RASGRP3: variants seen among roughly 807,000 people sequenced by gnomAD.
RASGRP3 encodes the protein RAS guanyl releasing protein 3, also known as ras guanyl-releasing protein 3.
RASGRP3 carries 54 observed loss-of-function variants against 82.7 expected under a neutral mutation model. The ratio of observed to expected loss-of-function variants is 0.65; its 90% CI spans 0.52 to 0.82. RASGRP3 has a LOEUF of 0.82. Among genes scored for constraint, RASGRP3 ranks in the 40% least tolerant of loss-of-function variants. The pLI is 0.00. For synonymous variants in RASGRP3, 309 were observed against 300.5 expected (o/e 1.03, Z -0.29); for missense variants, 861 against 828.9 (o/e 1.04, Z -0.48).
In RASGRP3 at chr2:33,466,767, G is replaced by GTATACTATAAACTATATAGTATATAC. The variant is rs1263583050; in HGVS notation, c.-261+18836_-261+18837insTATATAGTATATACTATACTATAAAC. ...GCTATTGCACACTTAACAGACTACA[G>GTATACTATAAACTATATAGTATATAC]TATACTATAAACATAAGTTAAAAAA... On this transcript the variant is annotated intron_variant, in intron 2 of 18. Transcript: ENST00000402538. Among the ~76,000 whole-genome samples the GTATACTATAAACTATATAGTATATAC allele has an allele frequency of 3.9e-5, 6 of 152,066 alleles. No homozygotes were observed. In the South Asian group the frequency reaches 1.2e-3, roughly 32 times the overall value.
chr2:33,466,913 C>T (rs1666728935), intron 2 of RASGRP3, among the ~76,000 whole-genome samples: 1 of 152,112 alleles, frequency 6.6e-6, no homozygotes, highest in Admixed American at 6.6e-5. Context: ...CCTGGGTTTA[C>T]ATCCCTCTTT....
At chr2:33,545,858 G>A (rs2151083146) in intron 13 of RASGRP3, among the ~76,000 whole-genome samples, 1 of 152,254 alleles carries the variant, frequency 6.6e-6, no homozygotes, top group East Asian at 1.9e-4. Context: ...AAGCTGGAGT[G>A]CACTGGCACA....
chr2:33,453,239 A>G (rs553749139), intron 2 of RASGRP3, among the ~76,000 whole-genome samples: 1 of 152,326 alleles, frequency 6.6e-6, no homozygotes, highest in South Asian at 2.1e-4. Flanking sequence ...CCAGCTGAAG[A>G]CGGGCTTAAC....
At chr2:33,513,676 C>T (rs1257760765) in intron 2 of RASGRP3, among the ~76,000 whole-genome samples, 1 of 152,194 alleles carries the variant, frequency 6.6e-6, no homozygotes, top group African/African-American at 2.4e-5. Flanking sequence ...GCATCAAGGA[C>T]CTGCTCTGTA....
chr2:33,560,689 A>C (rs1262632815), intron 17 of RASGRP3, among the ~76,000 whole-genome samples: 1 of 152,248 alleles, frequency 6.6e-6, no homozygotes, highest in Non-Finnish European at 1.5e-5. Context: ...CTGCCCCTGG[A>C]ATGTCAGAAA....
intron 1 of RASGRP3, among the ~76,000 whole-genome samples, chr2:33,502,479 C>A (rs564725747): frequency 6.6e-6 from 1 of 150,820 alleles, no homozygotes; most frequent in East Asian, 1.9e-4. Flanking sequence ...TCTCTTTTAA[C>A]TGTCTCTTTC....
chr2:33,533,296 C>T (rs935556188), intron 10 of RASGRP3: 11 of 152,170 alleles, frequency 7.2e-5, no homozygotes, highest in African/African-American at 2.7e-4. Context: ...AATGATCTTC[C>T]TCTCTCTTTT....
Position 33,463,835 on chromosome 2 carries a change from C to T in RASGRP3, c.-261+15892C>T, listed in dbSNP as rs552876942. On this transcript the variant is annotated intron_variant, in intron 2 of 18. Transcript: ENST00000402538. ...CAGGCTGGTCTTGAACTCCTGACCT[C>T]GTGATCCGCCTGCCTCGGCCTCCCG... 5.3e-5 allele frequency among the ~76,000 whole-genome samples: 8 copies of T among 151,754 alleles called. No homozygotes were observed. The East Asian group carries it at 1.2e-3, about 22-fold the overall frequency.
intron 10 of RASGRP3, among the ~76,000 whole-genome samples, chr2:33,528,350 C>G (rs778398712): frequency 2.0e-5 from 3 of 152,180 alleles, no homozygotes; most frequent in Admixed American, 1.3e-4. Context: ...GCATTTGTGG[C>G]ACACATGTTT....
At position 33,564,586 on chromosome 2, in the gene RASGRP3, G is replaced by A. The variant is rs73926694; in HGVS notation, c.*1849G>A. 7.8e-4 allele frequency: 119 copies of A among 152,212 alleles called. 1 individual carries two copies. The highest frequency in any genetic ancestry group is 2.8e-3 in the African/African-American group (115 of 41,528). The allele number at this position is 152,212 out of a possible 1,614,324, so 9.4% of individuals were successfully genotyped here. On this transcript the variant is annotated 3_prime_UTR_variant, in exon 18 of 18. Transcript: ENST00000403687. ...GAAACGTGTTAATAAACATTGTACT[G>A]TTCTTTTGCTTCTCAAAGGAATTAT...
intron 1 of RASGRP3, among the ~76,000 whole-genome samples, chr2:33,480,183 C>T (rs961456047): frequency 2.2e-4 from 34 of 151,750 alleles, no homozygotes; most frequent in African/African-American, 8.0e-4. Context: ...GCTGGGACTA[C>T]AGGCGCCCGC....
At chr2:33,556,890 TACACACACAC>T (rs58614411) in intron 15 of RASGRP3, among the ~76,000 whole-genome samples, 64 of 130,864 alleles carry the variant, frequency 4.9e-4, no homozygotes, top group African/African-American at 1.2e-3. Context: ...TACCCTAAAA[TACACACACAC>T]ACACACACAC....
chr2:33,520,799 G>T, intron 6 of RASGRP3, 115 bp downstream of exon 6: 1 of 1,428,224 alleles, frequency 7.0e-7, no homozygotes, highest in Non-Finnish European at 9.6e-7. Context: ...GTTTGCTTCT[G>T]TGAGGAAAGC....
intron 14 of RASGRP3, among the ~76,000 whole-genome samples, chr2:33,551,015 C>G (rs1440652732): frequency 6.6e-6 from 1 of 152,122 alleles, no homozygotes; most frequent in Non-Finnish European, 1.5e-5. Context: ...ACCATTTTAT[C>G]ATAAAACAAA....
chr2:33,548,450 GGAAAGTCCT>G (rs1269252312), intron 13 of RASGRP3, among the ~76,000 whole-genome samples: 3 of 151,758 alleles, frequency 2.0e-5, no homozygotes, highest in South Asian at 4.2e-4. Flanking sequence ...TTTTCAGGTA[GGAAAGTCCT>G]GAGCGTATTT....
chr2:33,547,053 G>GAAAAAAA (rs767124838), intron 13 of RASGRP3, among the ~76,000 whole-genome samples: 1 of 123,922 alleles, frequency 8.1e-6, no homozygotes, highest in Admixed American at 9.2e-5. Context: ...CTGTCTCAGG[G>GAAAAAAA]AAAAAAAAAA....
chr2:33,490,079 A>T (rs190600811), intron 1 of RASGRP3, among the ~76,000 whole-genome samples: 2 of 152,112 alleles, frequency 1.3e-5, no homozygotes, highest in Admixed American at 1.3e-4. Flanking sequence ...AATTATAACT[A>T]TTATCCATGT....
intron 1 of RASGRP3, among the ~76,000 whole-genome samples, chr2:33,507,348 T>G (rs1382413495): frequency 6.6e-6 from 1 of 152,064 alleles, no homozygotes; most frequent in African/African-American, 2.4e-5. Context: ...TGAGCCAAGA[T>G]CACACCACTG....
rs150608171 is a variant in RASGRP3 at position 33,490,527 on chromosome 2, T to C, written c.-261+13820T>C. Among the ~76,000 whole-genome samples, 666 of 152,360 alleles carry C rather than the reference T, an allele frequency of 4.4e-3. 2 individuals carry two copies. Among genetic ancestry groups the C allele is most frequent in the Middle Eastern group, 0.024 (7 of 294 alleles). ...TGATTGACAGCTTCAGCTTCCATTC[T>C]ATCCCTGGCCTCATGGCACAGCGTG... On this transcript the variant is annotated intron_variant, in intron 1 of 17. Transcript: ENST00000403687.
Sources: gnomAD v4.1 joint callset for allele counts (sites outside exome capture counted in the v4.1 genomes callset) on GRCh38, gnomAD v4.1.1 for gene constraint, MANE v1.5 for transcripts, NCBI Gene and HGNC (gene_info 2026-07-23, HGNC 2026-07-21) for gene names.